Variants in NECAB2 observed in about 807,000 individuals in gnomAD.
The protein encoded by NECAB2 is N-terminal EF-hand calcium-binding protein 2.
Under a neutral mutation model 51.9 loss-of-function variants are expected in NECAB2, and 68 were observed. The observed-to-expected ratio is 1.31, with a 90% CI of 1.08 to 1.60. NECAB2 has a LOEUF of 1.60. NECAB2 is among the 40% of genes most tolerant of loss of function. The probability of loss-of-function intolerance (pLI) is 0.00; values close to 1 mark genes in which losing one functional copy is unlikely to be tolerated. For synonymous variants in NECAB2, 329 were observed against 203.5 expected (o/e 1.62, Z -5.25); for missense variants, 854 against 490.3 (o/e 1.74, Z -7.00).
intron 5 of NECAB2, among the ~76,000 whole-genome samples, chr16:83,985,814 T>G (rs1264981213): frequency 6.6e-6 from 1 of 152,134 alleles, no homozygotes; most frequent in African/African-American, 2.4e-5. Flanking sequence ...TGTACTGAGA[T>G]TTTTCCATTA....
At chr16:83,993,989 T>C (rs982623986) in intron 6 of NECAB2, among the ~76,000 whole-genome samples, 11 of 152,130 alleles carry the variant, frequency 7.2e-5, no homozygotes, top group Admixed American at 5.9e-4. Flanking sequence ...CTTCGAGCTG[T>C]TAGAGTGGGG....
intron 5 of NECAB2, among the ~76,000 whole-genome samples, chr16:83,983,779 G>T (rs13337326): frequency 4.9e-4 from 74 of 152,154 alleles, no homozygotes; most frequent in African/African-American, 1.8e-3. Flanking sequence ...GATAGCTTGG[G>T]AATGATTTTG....
Position 83,978,447 on chromosome 16 carries a change from A to G in NECAB2, c.230A>G (p.Asp77Gly). The G allele has an allele frequency of 3.1e-6, 5 of 1,613,492 alleles. No individual in the cohort carries two copies. The highest frequency in any genetic ancestry group is 3.4e-6 in the Non-Finnish European group (4 of 1,179,626). Residue 77 changes from aspartate (D) to glycine (G), a missense_variant, in exon 3 of 13, where the codon GAT (aspartate) becomes GGT (glycine). Coordinates refer to ENST00000305202, the MANE Select transcript of NECAB2 (RefSeq NM_019065.3). ...DIFRRADKNDDGKLSLEEFQL... is the reference protein window; with the variant it reads ...DIFRRADKNDGGKLSLEEFQL... ...TTCTCTGCTTCCTTCCTTGCAGATG[A>G]TGGGAAGCTGTCCTTGGAGGAATTC... is the stretch of plus-strand genomic sequence containing the variant.
intron 8 of NECAB2, 136 bp downstream of exon 8, chr16:83,994,824 C>A (rs771675410): frequency 9.9e-7 from 1 of 1,012,402 alleles, no homozygotes; most frequent in Non-Finnish European, 1.5e-6. Context: ...CCAGGTGGGG[C>A]GTGGAGCTGC....
chr16:84,000,884 G>T, intron 11 of NECAB2, 83 bp downstream of exon 11: 1 of 1,414,164 alleles, frequency 7.1e-7, no homozygotes, highest in Non-Finnish European at 9.9e-7. Context: ...CATCCTTGGA[G>T]GGGAGGGTAA....
chr16:84,000,022 G>T (rs751528479), intron 10 of NECAB2, among the ~76,000 whole-genome samples: 5 of 151,886 alleles, frequency 3.3e-5, no homozygotes, highest in Non-Finnish European at 4.4e-5. Flanking sequence ...GCATCGCTGG[G>T]ATTACAGGGA....
At chr16:83,987,249 A>T (rs1357595438) in intron 5 of NECAB2, among the ~76,000 whole-genome samples, 1 of 152,240 alleles carries the variant, frequency 6.6e-6, no homozygotes, top group African/African-American at 2.4e-5. Context: ...TATTCTTTCT[A>T]ACAGTGCCCT....
intron 2 of NECAB2, among the ~76,000 whole-genome samples, chr16:83,974,042 C>T (rs185123222): frequency 6.6e-6 from 1 of 151,920 alleles, no homozygotes; most frequent in African/African-American, 2.4e-5. Context: ...GTGTCCACCC[C>T]CTGAGCACAG....
At chr16:83,973,553 G>T (rs1210547287) in intron 2 of NECAB2, among the ~76,000 whole-genome samples, 1 of 152,168 alleles carries the variant, frequency 6.6e-6, no homozygotes, top group East Asian at 1.9e-4. Flanking sequence ...TGGAAAAACA[G>T]CCGTAGCATC....
chr16:83,972,148 C>T lies in NECAB2; in HGVS notation c.202-3C>T, dbSNP rs776077692. The T allele has an allele frequency of 4.3e-6, 7 of 1,613,294 alleles. No individual in the cohort carries two copies. The highest frequency in any genetic ancestry group is 5.1e-6 in the Non-Finnish European group (6 of 1,180,026). ...GGGCTGACTCCGCCTCTCTTTTCTG[C>T]AGATTTTCCGCCGTGCGGACAAAAA... On this transcript the variant is annotated splice_region_variant and splice_polypyrimidine_tract_variant and intron_variant, in intron 1 of 12. Transcript: ENST00000305202.
In NECAB2 at chr16:84,000,061, T is replaced by TA. The variant is rs1555549865; in HGVS notation, c.963-663_963-662insA. Among the ~76,000 whole-genome samples, 226 of 104,624 alleles carry TA rather than the reference T, an allele frequency of 2.2e-3. 1 individual carries two copies. The highest frequency in any genetic ancestry group is 0.017 in the African/African-American group (182 of 10,476). 68.6% of individuals were successfully genotyped at this position (104,624 alleles called of 152,430 possible). A position where few individuals can be genotyped will look rare whatever the true frequency, so the allele number is the denominator to read the frequency against. ...GCCACCAGGCCCAGCAAGTTTTATTTTTTTTTTTTTTAAAGAGACAGTGTT... is the reference window on the plus strand; with the variant it reads ...GCCACCAGGCCCAGCAAGTTTTATTTATTTTTTTTTTTAAAGAGACAGTGTT... On this transcript the variant is annotated intron_variant, in intron 10 of 12. Transcript: ENST00000305202.
At chr16:83,976,740 C>G (rs1036851795) in intron 2 of NECAB2, among the ~76,000 whole-genome samples, 7 of 152,246 alleles carry the variant, frequency 4.6e-5, no homozygotes, top group Non-Finnish European at 8.8e-5. Context: ...CCCCCGTGCC[C>G]ACACGTTCAT....
intron 6 of NECAB2, among the ~76,000 whole-genome samples, chr16:83,991,372 T>C (rs1050778895): frequency 3.4e-5 from 5 of 147,158 alleles, no homozygotes; most frequent in Admixed American, 6.7e-5. Flanking sequence ...TCTTTTCTTT[T>C]TTTTTTTTTT....
chr16:84,001,741 G>A (rs1489857332), intron 11 of NECAB2, 84 bp from the exon 12 acceptor site: 4 of 1,435,554 alleles, frequency 2.8e-6, no homozygotes, highest in Admixed American at 1.7e-5. Flanking sequence ...TCCCCATTTT[G>A]GGCTAGAGCT....
At chr16:83,975,161 T>G (rs2084394102) in intron 2 of NECAB2, among the ~76,000 whole-genome samples, 1 of 100,522 alleles carries the variant, frequency 9.9e-6, no homozygotes, top group Non-Finnish European at 1.7e-5. Context: ...CAGGGAGGTG[T>G]GGGTGCAGGG....
At chr16:83,992,466 G>A (rs1164856521) in intron 6 of NECAB2, among the ~76,000 whole-genome samples, 2 of 149,774 alleles carry the variant, frequency 1.3e-5, no homozygotes, top group Non-Finnish European at 2.9e-5. Flanking sequence ...GCTTGACACA[G>A]AAGAAAAAGA....
intron 2 of NECAB2, among the ~76,000 whole-genome samples, chr16:83,972,570 C>T (rs1478306471): frequency 6.6e-6 from 1 of 152,234 alleles, no homozygotes; most frequent in African/African-American, 2.4e-5. Flanking sequence ...CTTCACAAGC[C>T]TTGGTGCAGT....
intron 4 of NECAB2, 80 bp downstream of exon 4, chr16:83,980,944 T>C (rs951217287): frequency 9.3e-6 from 15 of 1,608,158 alleles, no homozygotes; most frequent in Non-Finnish European, 1.1e-5. Context: ...CAGGGGAGGC[T>C]GGAGGTAGCG....
chr16:83,971,813 C>T (rs1479184556), intron 1 of NECAB2: 6 of 474,174 alleles, frequency 1.3e-5, no homozygotes, highest in Non-Finnish European at 1.9e-5. Flanking sequence ...TGCAGCTGAG[C>T]GTTTGGCGGT....
Sources: allele counts gnomAD v4.1 joint callset (sites outside exome capture counted in the v4.1 genomes callset), GRCh38; gene constraint gnomAD v4.1.1; transcripts MANE v1.5; gene names NCBI Gene and HGNC (gene_info 2026-07-23, HGNC 2026-07-21).